Variants in RPL27 observed in about 807,000 individuals in gnomAD.
RPL27 encodes the protein large ribosomal subunit protein eL27.
For synonymous variants in RPL27, 77 were observed against 61.0 expected (o/e 1.26, Z -1.22); for missense variants, 131 against 174.3 (o/e 0.75, Z 1.40).
At position 43,000,067 on chromosome 17, in the gene RPL27, G is replaced by T; in HGVS notation, c.216G>T (p.Val72=). The change falls in exon 3 of 5, where the codon GTG becomes GTT. Residue 72 remains valine (V), a synonymous_variant. Coordinates refer to ENST00000253788, the MANE Select transcript of RPL27 (RefSeq NM_000988.5). ...IAKRSKIKSF[V]KVYNYNHLMP... is the part of the protein sequence containing the mutation. Reference sequence around the variant, plus strand: ...AGAGATCAAAGATAAAATCTTTTGTGAAAGTGTATAACTACAATCACCTAA... The same window carrying T: ...AGAGATCAAAGATAAAATCTTTTGTTAAAGTGTATAACTACAATCACCTAA... 6.2e-7 allele frequency: 1 copy of T among 1,613,170 alleles called. No individual in the cohort carries two copies. Among genetic ancestry groups the T allele is most frequent in the Non-Finnish European group, 8.5e-7 (1 of 1,179,940 alleles).
chr17:43,001,183 G>T (rs1248934016), intron 3 of RPL27, among the ~76,000 whole-genome samples: 1 of 151,552 alleles, frequency 6.6e-6, no homozygotes, highest in African/African-American at 2.4e-5. Flanking sequence ...GGTGGAGATT[G>T]CAGGGAGCCG....
chr17:43,000,646 A>G (rs2050351102), intron 3 of RPL27, among the ~76,000 whole-genome samples: 2 of 145,366 alleles, frequency 1.4e-5, no homozygotes, highest in South Asian at 2.3e-4. Flanking sequence ...GGGTTTCACC[A>G]TGTTAGCCAG....
chr17:42,999,082 C>A, intron 2 of RPL27: 1 of 459,922 alleles, frequency 2.2e-6, no homozygotes, highest in Non-Finnish European at 3.9e-6. Flanking sequence ...TGACATTGCA[C>A]GCTTGCTATG....
In RPL27 at chr17:43,002,112, A is replaced by T. The variant is rs778312621; in HGVS notation, c.252-561A>T. ...GTCTCAAAAAGTGGGGGAGGGCCTC[A>T]TTTGATGATTCTTAGCTAGAAAAAT... On this transcript the variant is annotated intron_variant, in intron 3 of 4. Coordinates refer to ENST00000253788, the MANE Select transcript of RPL27 (RefSeq NM_000988.5). Among the ~76,000 whole-genome samples, 152 of 151,834 alleles carry T rather than the reference A, an allele frequency of 1.0e-3. 1 individual carries two copies. Among genetic ancestry groups the T allele is most frequent in the Non-Finnish European group, 1.6e-3 (110 of 68,034 alleles).
At chr17:42,999,705 C>T (rs576341759) in intron 2 of RPL27, 1 of 514,418 alleles carries the variant, frequency 1.9e-6, no homozygotes, top group Non-Finnish European at 3.5e-6. Flanking sequence ...ACTGTTGCTA[C>T]TTTTAAATCT....
At position 43,002,730 on chromosome 17, in the gene RPL27, T is replaced by G; in HGVS notation, c.309T>G (p.Asp103Glu). Residue 103 changes from aspartate (D) to glutamate (E), a missense_variant, in exon 4 of 5, where the codon GAT becomes GAG. Transcript: ENST00000253788. ...TCGTCAATAAGGATGTCTTCAGAGA[T>G]CCTGCTCTTAAACGCAAGGCCCGAC... ...KTVVNKDVFRDPALKRKARRE... is the reference protein window; with the variant it reads ...KTVVNKDVFREPALKRKARRE... 6.2e-7 allele frequency: 1 copy of G among 1,614,022 alleles called. No individual in the cohort carries two copies.
intron 2 of RPL27, 84 bp downstream of exon 2, chr17:42,998,915 C>CT (rs1270184392): frequency 9.1e-7 from 1 of 1,103,374 alleles, no homozygotes; most frequent in Non-Finnish European, 1.4e-6. Flanking sequence ...AATTCAAGGC[C>CT]TGTTTCTGGG....
chr17:43,002,030 G>A (rs1349296785), intron 3 of RPL27, among the ~76,000 whole-genome samples: 3 of 151,010 alleles, frequency 2.0e-5, no homozygotes, highest in African/African-American at 4.9e-5. Context: ...GGAGGCGGAG[G>A]TTGCAGTGAG....
In RPL27 at chr17:42,998,504, C is replaced by T. The variant is rs691997; in HGVS notation, c.-3+33C>T. ...GAAGCTTGGGTTGAATCTTTCAATC[C>T]GCTGCCATCCGCGGCTTGGGGGTCG... On this transcript the variant is annotated intron_variant, in intron 1 of 4. Coordinates refer to ENST00000253788, the MANE Select transcript of RPL27 (RefSeq NM_000988.5). The T allele has an allele frequency of 0.97, 391,344 of 402,574 alleles. 191,201 individuals carry two copies. The highest frequency in any genetic ancestry group is 1 in the South Asian group (35,967 of 35,984). 24.9% of individuals were successfully genotyped at this position (402,574 alleles called of 1,614,324 possible). A position where few individuals can be genotyped will look rare whatever the true frequency, so the allele number is the denominator to read the frequency against.
At chr17:43,001,776 A>G (rs1316920106) in intron 3 of RPL27, among the ~76,000 whole-genome samples, 1 of 151,812 alleles carries the variant, frequency 6.6e-6, no homozygotes, top group Non-Finnish European at 1.5e-5. Context: ...AAAGTTAGCT[A>G]ACTGTCATGA....
intron 3 of RPL27, among the ~76,000 whole-genome samples, 173 bp downstream of exon 3, chr17:43,000,275 T>A (rs2050345542): frequency 6.6e-6 from 1 of 152,152 alleles, no homozygotes; most frequent in African/African-American, 2.4e-5. Context: ...CTTTTAAGTG[T>A]TGGGTAAAGA....
intron 3 of RPL27, among the ~76,000 whole-genome samples, chr17:43,000,481 G>GTTTTTT (rs140114345): frequency 1.5e-5 from 2 of 137,072 alleles, no homozygotes; most frequent in East Asian, 2.1e-4. Flanking sequence ...GTTTTGTTTT[G>GTTTTTT]TTTTGTTTTT....
At chr17:43,001,345 G>T (rs1368514017) in intron 3 of RPL27, among the ~76,000 whole-genome samples, 1 of 151,838 alleles carries the variant, frequency 6.6e-6, no homozygotes, top group Non-Finnish European at 1.5e-5. Context: ...GCAGAGAGAG[G>T]CCGGACACCA....
At chr17:42,998,716 T>G (rs750030988) in intron 1 of RPL27, 33 bp from the exon 2 acceptor site, 25 of 1,564,032 alleles carry the variant, frequency 1.6e-5, no homozygotes, top group Non-Finnish European at 2.1e-5. Context: ...CTTTACGGAT[T>G]TTTAAGTGGC....
At chr17:42,999,168 CTTTTT>C (rs1362616067) in intron 2 of RPL27, 95 of 198,946 alleles carry the variant, frequency 4.8e-4, no homozygotes, top group South Asian at 1.3e-3. Context: ...CTTTTCTTTT[CTTTTT>C]TTTTTTTTTG....
At position 43,001,156 on chromosome 17, in the gene RPL27, A is replaced by G. The variant is rs557803595; in HGVS notation, c.251+1054A>G. On this transcript the variant is annotated intron_variant, in intron 3 of 4. Coordinates refer to ENST00000253788, the MANE Select transcript of RPL27 (RefSeq NM_000988.5). ...CAGGAGATCGAGACCGCACTGGCTA[A>G]CACGGTGAACCTGGGAGGTGGAGAT... 4.6e-5 allele frequency among the ~76,000 whole-genome samples: 7 copies of G among 151,322 alleles called. No homozygotes were observed. The South Asian group carries it at 1.0e-3, about 23-fold the overall frequency.
In RPL27 at chr17:43,002,887, G is replaced by A. The variant is rs1221844469; in HGVS notation, c.378G>A (p.Lys126=). 1.2e-6 allele frequency: 2 copies of A among 1,613,848 alleles called. No individual in the cohort carries two copies. The highest frequency in any genetic ancestry group is 1.7e-6 in the Non-Finnish European group (2 of 1,179,766). Reference sequence around the variant, plus strand: ...TCCCTTCTAGATACAAGACAGGCAAGAACAAGTGGTTCTTCCAGAAACTGC... The same window carrying A: ...TCCCTTCTAGATACAAGACAGGCAAAAACAAGTGGTTCTTCCAGAAACTGC... ...VKFEERYKTG[K]NKWFFQKLRF is the part of the protein sequence containing the mutation. The change falls in exon 5 of 5, where the codon AAG becomes AAA. Residue 126 remains lysine, a synonymous_variant. Coordinates refer to ENST00000253788, the MANE Select transcript of RPL27 (RefSeq NM_000988.5).
At chr17:42,998,873 C>A (rs1461221838) in intron 2 of RPL27, 42 bp downstream of exon 2, 1 of 1,552,160 alleles carries the variant, frequency 6.4e-7, no homozygotes, top group East Asian at 2.3e-5. Flanking sequence ...ATGCCGGGAC[C>A]AGGCTGGCTG....
chr17:42,999,303 C>G (rs1472704553), intron 2 of RPL27: 1 of 156,090 alleles, frequency 6.4e-6, no homozygotes, highest in Non-Finnish European at 1.4e-5. Flanking sequence ...GTGCGTGCCA[C>G]CATCCCCAGC....
Sources: gnomAD v4.1 joint callset for allele counts (sites outside exome capture counted in the v4.1 genomes callset) on GRCh38, gnomAD v4.1.1 for gene constraint, MANE v1.5 for transcripts, NCBI Gene and HGNC (gene_info 2026-07-23, HGNC 2026-07-21) for gene names.